Variants in THUMPD1 observed in about 807,000 individuals in gnomAD.
THUMPD1 encodes THUMP domain-containing protein 1.
THUMPD1 carries 31 observed loss-of-function variants against 31.6 expected under a neutral mutation model. The observed-to-expected ratio is 0.98, with a 90% CI of 0.74 to 1.32. THUMPD1 has a LOEUF of 1.32. Among genes scored for constraint, THUMPD1 ranks in the 40% most tolerant of loss-of-function variants. The pLI, the probability that THUMPD1 is intolerant of heterozygous loss-of-function variation, is 0.00. For missense variants in THUMPD1, 446 were observed against 427.8 expected, an observed-to-expected ratio of 1.04 and a Z score of -0.38; for synonymous variants, 166 against 158.2, an observed-to-expected ratio of 1.05 and a Z score of -0.37.
intron 1 of THUMPD1, 28 bp downstream of exon 1, chr16:20,741,481 G>GGGGGGGGGGGCGC: frequency 2.3e-6 from 3 of 1,308,410 alleles, no homozygotes; most frequent in Non-Finnish European, 3.0e-6. Flanking sequence ...CTGGCAGCCG[G>GGGGGGGGGGGCGC]CCCGCCCGCC....
At chr16:20,737,440 T>C (rs576925707) in intron 3 of THUMPD1, among the ~76,000 whole-genome samples, 154 bp from the exon 4 acceptor site, 7 of 152,318 alleles carry the variant, frequency 4.6e-5, no homozygotes, top group Admixed American at 2.6e-4. Context: ...TTACAATAAA[T>C]AAACACAAAT....
At position 20,736,015 on chromosome 16, in the gene THUMPD1, G is replaced by A; in HGVS notation, c.*865C>T. On this transcript the variant is annotated 3_prime_UTR_variant, in exon 4 of 4. Transcript: ENST00000396083. Reference sequence around the variant, plus strand: ...GTGATTTCTGAACAAAAGCCTTACTGTTTTTGATAGTCCAAAAGCCATTTG... The same window carrying A: ...GTGATTTCTGAACAAAAGCCTTACTATTTTTGATAGTCCAAAAGCCATTTG... 1 of 152,086 alleles carries A rather than the reference G, an allele frequency of 6.6e-6. No homozygotes were observed. Among genetic ancestry groups the A allele is most frequent in the East Asian group, 1.9e-4 (1 of 5,202 alleles). The allele number at this position is 152,086 out of a possible 1,614,324, so 9.4% of individuals were successfully genotyped here.
Position 20,741,576 on chromosome 16 carries a change from C to G in THUMPD1, c.164G>C (p.Arg55Pro). ...GCTGTAGGCCTCCTCCACGCACTTG[C>G]GCTCGTTCATATTGCAGGTGATGAG... ...GILITCNMNERKCVEEAYSLL... is the reference protein window; with the variant it reads ...GILITCNMNEPKCVEEAYSLL... The change falls in exon 1 of 4, where the codon CGC becomes CCC. Residue 55 changes from arginine (R) to proline (P), a missense_variant. Coordinates refer to ENST00000396083, the MANE Select transcript of THUMPD1 (RefSeq NM_017736.5). 3 of 1,578,878 alleles carry G rather than the reference C, an allele frequency of 1.9e-6. No homozygotes were observed. Among genetic ancestry groups the G allele is most frequent in the Non-Finnish European group, 2.6e-6 (3 of 1,162,956 alleles).
At chr16:20,738,462 C>T (rs1274559219) in intron 2 of THUMPD1, among the ~76,000 whole-genome samples, 1 of 152,194 alleles carries the variant, frequency 6.6e-6, no homozygotes, top group African/African-American at 2.4e-5. Flanking sequence ...CAGGCTGCAA[C>T]TTGCCTACAT....
intron 1 of THUMPD1, among the ~76,000 whole-genome samples, chr16:20,739,918 G>T (rs2079902700): frequency 6.6e-6 from 1 of 152,108 alleles, no homozygotes. Context: ...CATCCTGACA[G>T]TTTGAGGCAG....
chr16:20,733,665 T>C lies in THUMPD1; in HGVS notation c.*3215A>G, dbSNP rs1345165841. On this transcript the variant is annotated 3_prime_UTR_variant, in exon 4 of 4. Transcript: ENST00000396083. Reference sequence around the variant, plus strand: ...AAAGAAAAAATATTAGAACACCAATTTTTAGGGAACAAATTTATTTTGATT... The same window carrying C: ...AAAGAAAAAATATTAGAACACCAATCTTTAGGGAACAAATTTATTTTGATT... 6.6e-6 allele frequency: 1 copy of C among 151,944 alleles called. No homozygotes were observed. The highest frequency in any genetic ancestry group is 2.4e-5 in the African/African-American group (1 of 41,392). The allele number at this position is 151,944 out of a possible 1,614,324, so 9.4% of individuals were successfully genotyped here. A position where few individuals can be genotyped will look rare whatever the true frequency, so the allele number is the denominator to read the frequency against.
chr16:20,739,985 G>A (rs1042644361), intron 1 of THUMPD1, among the ~76,000 whole-genome samples: 1 of 152,200 alleles, frequency 6.6e-6, no homozygotes, highest in African/African-American at 2.4e-5. Flanking sequence ...ACGTTGACCA[G>A]GTATCTGTGT....
At chr16:20,737,997 A>G in intron 2 of THUMPD1, 41 bp from the exon 3 acceptor site, 1 of 1,543,934 alleles carries the variant, frequency 6.5e-7, no homozygotes, top group Non-Finnish European at 8.7e-7. Flanking sequence ...TTTCTCAGAC[A>G]TCTTAAAGAT....
rs2079846271 is a variant in THUMPD1 at position 20,733,841 on chromosome 16, A to T, written c.*3039T>A. The T allele has an allele frequency of 1.3e-5, 2 of 152,110 alleles. No individual in the cohort carries two copies. Among genetic ancestry groups the T allele is most frequent in the Non-Finnish European group, 2.9e-5 (2 of 67,988 alleles). 9.4% of individuals were successfully genotyped at this position (152,110 alleles called of 1,614,324 possible). ...AAGTTTAACATTCTTTCCTCTATGG[A>T]GCTAAACAAGTTTTCTAAACCATAA... On this transcript the variant is annotated 3_prime_UTR_variant, in exon 4 of 4. Coordinates refer to ENST00000396083, the MANE Select transcript of THUMPD1 (RefSeq NM_017736.5).
rs141498187 is a variant in THUMPD1 at position 20,737,947 on chromosome 16, T to C, written c.416A>G (p.Lys139Arg). 113 of 1,590,214 alleles carry C rather than the reference T, an allele frequency of 7.1e-5. No homozygotes were observed. In the African/African-American group the frequency reaches 1.3e-3, roughly 19 times the overall value. Residue 139 changes from lysine to arginine, a missense_variant, in exon 3 of 4, where the codon AAA becomes AGA. Lys to Arg is a conservative substitution (Grantham distance 26, BLOSUM62 2). Transcript: ENST00000396083. ...FIRTLGIEPE[K>R]LVHHILQDMY... ...ATCCTGGAGAATATGATGCACCAAT[T>C]TCTCAGGCTCTTAAGAAAAAAAAAA...
At chr16:20,741,481 G>GGGGGGGGCCCCCCCCCC in intron 1 of THUMPD1, 28 bp downstream of exon 1, 1 of 1,308,412 alleles carries the variant, frequency 7.6e-7, no homozygotes, top group Non-Finnish European at 9.9e-7. Flanking sequence ...CTGGCAGCCG[G>GGGGGGGGCCCCCCCCCC]CCCGCCCGCC....
chr16:20,737,891 CTCGAG>C lies in THUMPD1; in HGVS notation c.467_471del (p.Thr156SerfsTer32). ...GAGATGGGTAACATTCGCAAAATAA[CTCGAG>C]TCTTCTTTTTCTTGGTTTTGTACAT... On this transcript the variant is annotated frameshift_variant, in exon 3 of 4. Transcript: ENST00000396083. LOFTEE classifies it high-confidence loss of function. The C allele has an allele frequency of 6.2e-7, 1 of 1,613,634 alleles. No homozygotes were observed. Among genetic ancestry groups the C allele is most frequent in the Non-Finnish European group, 8.5e-7 (1 of 1,179,862 alleles).
intron 1 of THUMPD1, among the ~76,000 whole-genome samples, chr16:20,741,267 T>C (rs2079917613): frequency 2.0e-5 from 3 of 152,070 alleles, no homozygotes; most frequent in Admixed American, 2.0e-4. Flanking sequence ...ATAAAAGTAA[T>C]GGGAGCTACC....
chr16:20,741,481 G>GGGGGGGGGGGGGCGGCC, intron 1 of THUMPD1, 28 bp downstream of exon 1: 1 of 1,308,412 alleles, frequency 7.6e-7, no homozygotes, highest in Non-Finnish European at 9.9e-7. Flanking sequence ...CTGGCAGCCG[G>GGGGGGGGGGGGGCGGCC]CCCGCCCGCC....
chr16:20,741,397 G>T (rs999367971), intron 1 of THUMPD1, 112 bp downstream of exon 1: 3 of 1,345,152 alleles, frequency 2.2e-6, no homozygotes, highest in East Asian at 5.1e-5. Context: ...CCCTACAGCC[G>T]TCACGCCGAC....
chr16:20,741,724 G>A lies in THUMPD1; in HGVS notation c.16C>T (p.Gln6Ter), dbSNP rs895800570. The change falls in exon 1 of 4, where the codon CAG becomes TAG. Residue 6 changes from glutamine (Q) to a stop codon, truncating the protein, a stop_gained. Coordinates refer to ENST00000396083, the MANE Select transcript of THUMPD1 (RefSeq NM_017736.5). LOFTEE classifies it high-confidence loss of function. Reference sequence around the variant, plus strand: ...CCGCCGCCAGGCTGAGTAGTCTGCTGGGCAGGGGCCGCCATGGTGTGCGCA... The same window carrying A: ...CCGCCGCCAGGCTGAGTAGTCTGCTAGGCAGGGGCCGCCATGGTGTGCGCA... The part of the protein sequence containing the change: MAAPA[Q>*]QTTQPGGGKR... 3 of 1,574,132 alleles carry A rather than the reference G, an allele frequency of 1.9e-6. No individual in the cohort carries two copies. The highest frequency in any genetic ancestry group is 1.3e-5 in the African/African-American group (1 of 74,284).
At position 20,736,734 on chromosome 16, in the gene THUMPD1, C is replaced by A; in HGVS notation, c.*146G>T. 1.3e-6 allele frequency: 1 copy of A among 773,238 alleles called. No individual in the cohort carries two copies. Among genetic ancestry groups the A allele is most frequent in the Non-Finnish European group, 2.0e-6 (1 of 490,424 alleles). 47.9% of individuals were successfully genotyped at this position (773,238 alleles called of 1,614,324 possible). The stretch of plus-strand genomic sequence containing the variant: ...ATCCCTAAAAAAACTGTTAACAGGG[C>A]TGCGCAATCATTGCTCACTACTGTG... On this transcript the variant is annotated 3_prime_UTR_variant, in exon 4 of 4. Transcript: ENST00000396083.
At position 20,736,275 on chromosome 16, in the gene THUMPD1, C is replaced by G. The variant is rs1041149295; in HGVS notation, c.*605G>C. The G allele has an allele frequency of 4.0e-5, 6 of 151,624 alleles. No individual in the cohort carries two copies. Among genetic ancestry groups the G allele is most frequent in the Admixed American group, 2.6e-4 (4 of 15,214 alleles). The allele number at this position is 151,624 out of a possible 1,614,324, so 9.4% of individuals were successfully genotyped here. ...TGAAGTTCTTCATCACCAACCTTTT[C>G]AGAAATGTCTGTAGTTCTATGCCTA... On this transcript the variant is annotated 3_prime_UTR_variant, in exon 4 of 4. Coordinates refer to ENST00000396083, the MANE Select transcript of THUMPD1 (RefSeq NM_017736.5).
In THUMPD1 at chr16:20,737,020, G is replaced by A. The variant is rs199723554; in HGVS notation, c.922C>T (p.Gln308Ter). ...NNTAEGKNNQ[Q>*]VPENTEELGQ... ...AGCTCCTCAGTATTCTCTGGTACCT[G>A]CTGGTTATTTTTTCCTTCTGCTGTG... Residue 308 changes from glutamine (Q) to a stop codon, truncating the protein, a stop_gained, in exon 4 of 4, where the codon CAG (glutamine) becomes TAG (stop). Coordinates refer to ENST00000396083, the MANE Select transcript of THUMPD1 (RefSeq NM_017736.5). LOFTEE classifies it high-confidence loss of function. The A allele has an allele frequency of 6.8e-6, 11 of 1,614,156 alleles. No individual in the cohort carries two copies. Among genetic ancestry groups the A allele is most frequent in the Non-Finnish European group, 9.3e-6 (11 of 1,180,020 alleles).
Sources: gnomAD v4.1 joint callset for allele counts (sites outside exome capture counted in the v4.1 genomes callset) on GRCh38, gnomAD v4.1.1 for gene constraint, MANE v1.5 for transcripts, NCBI Gene and HGNC (gene_info 2026-07-23, HGNC 2026-07-21) for gene names.